ESRRB: variants seen among roughly 807,000 people sequenced by gnomAD.
ESRRB encodes the protein steroid hormone receptor ERR2.
ESRRB carries 16 observed loss-of-function variants against 46.0 expected under a neutral mutation model. The observed-to-expected ratio is 0.35, with a 90% CI of 0.24 to 0.53. The LOEUF (loss-of-function observed/expected upper bound fraction) is 0.53, where lower values mean the gene tolerates loss of function less well. ESRRB is among the 20% of genes least tolerant of loss of function. The pLI is 0.93. For missense variants in ESRRB, 488 were observed against 607.4 expected, an observed-to-expected ratio of 0.80 and a Z score of 2.07; for synonymous variants, 246 against 259.6, an observed-to-expected ratio of 0.95 and a Z score of 0.50.
At chr14:76,463,592 G>A (rs867906380) in intron 3 of ESRRB, among the ~76,000 whole-genome samples, 2 of 151,396 alleles carry the variant, frequency 1.3e-5, no homozygotes, top group African/African-American at 2.4e-5. Context: ...GACTACAGGC[G>A]CCCGCCACCT....
At chr14:76,343,558 A>G (rs1165953934) in intron 1 of ESRRB, among the ~76,000 whole-genome samples, 1 of 152,210 alleles carries the variant, frequency 6.6e-6, no homozygotes, top group African/African-American at 2.4e-5. Flanking sequence ...GCCCACTCAC[A>G]TGTGTAGCAG....
intron 2 of ESRRB, among the ~76,000 whole-genome samples, chr14:76,440,964 C>T (rs932281539): frequency 2.6e-5 from 4 of 152,176 alleles, no homozygotes; most frequent in African/African-American, 9.7e-5. Flanking sequence ...AGGAGAATCG[C>T]TTGAACCCGG....
At chr14:76,478,486 C>T (rs139753200) in intron 3 of ESRRB, among the ~76,000 whole-genome samples, 1 of 152,128 alleles carries the variant, frequency 6.6e-6, no homozygotes, top group Non-Finnish European at 1.5e-5. Context: ...CAGCTGCTTG[C>T]CGGGAAGCAG....
chr14:76,402,249 C>T (rs779882999), intron 1 of ESRRB, among the ~76,000 whole-genome samples: 1 of 152,208 alleles, frequency 6.6e-6, no homozygotes, highest in South Asian at 2.1e-4. Flanking sequence ...TCTGGAGACT[C>T]CATGGCCCGG....
rs758103791 is a variant in ESRRB at position 76,500,753 on chromosome 14, C to T, written c.*2295C>T. ...GCTTGGAGCAAGTGGGTGTTCTGCA[C>T]ACCAGGCAGCTGCACCTCACTGGAT... On this transcript the variant is annotated 3_prime_UTR_variant, in exon 7 of 7. Coordinates refer to ENST00000644823, the MANE Select transcript of ESRRB (RefSeq NM_001379180.1). 9 of 1,612,758 alleles carry T rather than the reference C, an allele frequency of 5.6e-6. No individual in the cohort carries two copies. The South Asian group carries it at 9.9e-5, about 18-fold the overall frequency.
At chr14:76,453,137 T>C (rs1173535740) in intron 2 of ESRRB, among the ~76,000 whole-genome samples, 3 of 152,220 alleles carry the variant, frequency 2.0e-5, no homozygotes, top group Non-Finnish European at 2.9e-5. Context: ...ATTTGAGAAC[T>C]GGTGTTCGAG....
chr14:76,419,338 C>T (rs550640724), intron 1 of ESRRB, among the ~76,000 whole-genome samples: 202 of 152,254 alleles, frequency 1.3e-3, no homozygotes, highest in Non-Finnish European at 2.5e-3. Context: ...ATGTTGAGAT[C>T]GAGCTTCGAA....
At chr14:76,475,758 A>C (rs1889557415) in intron 3 of ESRRB, among the ~76,000 whole-genome samples, 1 of 152,174 alleles carries the variant, frequency 6.6e-6, no homozygotes, top group African/African-American at 2.4e-5. Context: ...GGGATTGCTG[A>C]ATCATATGGT....
At chr14:76,399,833 C>T (rs1447921360) in intron 1 of ESRRB, among the ~76,000 whole-genome samples, 1 of 152,148 alleles carries the variant, frequency 6.6e-6, no homozygotes, top group Non-Finnish European at 1.5e-5. Flanking sequence ...AATTGGTCTC[C>T]TGACTTCACA....
At chr14:76,316,769 CT>C (rs1883805484) in intron 1 of ESRRB, among the ~76,000 whole-genome samples, 1 of 152,084 alleles carries the variant, frequency 6.6e-6, no homozygotes, top group South Asian at 2.1e-4. Context: ...TGAGATGAGT[CT>C]TTTATCATAT....
At chr14:76,379,397 G>C (rs1240916334) in intron 1 of ESRRB, among the ~76,000 whole-genome samples, 1 of 152,104 alleles carries the variant, frequency 6.6e-6, no homozygotes, top group Non-Finnish European at 1.5e-5. Context: ...AAGAAACAAA[G>C]AACAAATTGT....
At chr14:76,398,286 C>G (rs528806426) in intron 1 of ESRRB, among the ~76,000 whole-genome samples, 1 of 152,244 alleles carries the variant, frequency 6.6e-6, no homozygotes, top group African/African-American at 2.4e-5. Context: ...AGTAGCACCC[C>G]CAAAGTCACA....
chr14:76,352,990 C>T (rs1352449575), intron 1 of ESRRB, among the ~76,000 whole-genome samples: 1 of 152,222 alleles, frequency 6.6e-6, no homozygotes, highest in Non-Finnish European at 1.5e-5. Context: ...CTCCTGCGGG[C>T]CGCGCGCAGG....
chr14:76,477,151 C>T (rs1471308875), intron 3 of ESRRB, among the ~76,000 whole-genome samples: 1 of 152,192 alleles, frequency 6.6e-6, no homozygotes, highest in East Asian at 1.9e-4. Context: ...CTTCCCCAAC[C>T]CCAGGCTAGG....
At chr14:76,379,061 G>C (rs1884899264) in intron 1 of ESRRB, among the ~76,000 whole-genome samples, 1 of 152,168 alleles carries the variant, frequency 6.6e-6, no homozygotes, top group African/African-American at 2.4e-5. Context: ...CTAACACATA[G>C]AGAGCATTTG....
chr14:76,404,893 G>A (rs1338890619), intron 1 of ESRRB, among the ~76,000 whole-genome samples: 1 of 152,284 alleles, frequency 6.6e-6, no homozygotes, highest in East Asian at 1.9e-4. Flanking sequence ...GGAGGGCTCA[G>A]TATGAAAGAA....
chr14:76,351,772 A>G (rs975705086), intron 1 of ESRRB, among the ~76,000 whole-genome samples: 8 of 152,202 alleles, frequency 5.3e-5, no homozygotes, highest in African/African-American at 1.7e-4. Context: ...TCATAAACCA[A>G]CAAGAAACAA....
chr14:76,311,297 CG>C (rs1883730850), intron 1 of ESRRB, among the ~76,000 whole-genome samples: 1 of 152,140 alleles, frequency 6.6e-6, no homozygotes, highest in Admixed American at 6.5e-5. Context: ...TGTCGCCCAG[CG>C]TGAAAACTTT....
intron 1 of ESRRB, among the ~76,000 whole-genome samples, chr14:76,402,001 G>C (rs1885966488): frequency 6.6e-6 from 1 of 152,234 alleles, no homozygotes. Context: ...CCCAGGAAGA[G>C]CCAATATTTC....
Sources: allele counts gnomAD v4.1 joint callset (sites outside exome capture counted in the v4.1 genomes callset), GRCh38; gene constraint gnomAD v4.1.1; transcripts MANE v1.5; gene names NCBI Gene and HGNC (gene_info 2026-07-23, HGNC 2026-07-21).